Variants in HHIPL1 observed in about 807,000 individuals in gnomAD.
HHIPL1 encodes HHIP like 1, also known as HHIP-like protein 1.
HHIPL1 carries 43 observed loss-of-function variants against 61.8 expected under a neutral mutation model. That is an observed-to-expected ratio of 0.70 (90% CI 0.55 to 0.90). The LOEUF (loss-of-function observed/expected upper bound fraction) is 0.90, where lower values mean the gene tolerates loss of function less well. Among genes scored for constraint, HHIPL1 ranks in the 40% least tolerant of loss-of-function variants. The pLI is 0.00. For missense variants in HHIPL1, 1,056 were observed against 1,157.7 expected (o/e 0.91, Z 1.28); for synonymous variants, 482 against 515.8 (o/e 0.93, Z 0.89).
At chr14:99,613,714 G>C in the HHIPL1 span, among the ~76,000 whole-genome samples, 2 of 151,906 alleles carry the variant, frequency 1.3e-5, no homozygotes, top group African/African-American at 4.8e-5. Context: ...TTCGAGACCA[G>C]CCTGGCCAAC....
the HHIPL1 span, among the ~76,000 whole-genome samples, chr14:99,628,432 T>C: frequency 6.6e-6 from 1 of 151,686 alleles, no homozygotes; most frequent in African/African-American, 2.4e-5. Flanking sequence ...ATACAAAAAA[T>C]TAGCCAGGCC....
chr14:99,637,263 A>AGAAAGAAG, the HHIPL1 span, among the ~76,000 whole-genome samples: 2 of 148,456 alleles, frequency 1.3e-5, no homozygotes, highest in Non-Finnish European at 3.0e-5. Context: ...AAAGAAAGAA[A>AGAAAGAAG]GAAAAAGTGT....
At chr14:99,659,847 C>CCT in intron 4 of HHIPL1, 91 bp downstream of exon 4, 1 of 311,212 alleles carries the variant, frequency 3.2e-6, no homozygotes, top group South Asian at 5.5e-5. Context: ...GGAGACCGCA[C>CCT]CCCCCCCCCC....
chr14:99,673,574 G>GTGCAGGCAGAGGGAACAGCAAGAGCCA (rs2140095927), intron 8 of HHIPL1, among the ~76,000 whole-genome samples: 1 of 40,456 alleles, frequency 2.5e-5, no homozygotes, highest in Admixed American at 2.2e-4. Flanking sequence ...GGGGGTGGCA[G>GTGCAGGCAGAGGGAACAGCAAGAGCCA]CTAGGGGGAT....
At chr14:99,636,424 T>C in the HHIPL1 span, among the ~76,000 whole-genome samples, 1 of 152,218 alleles carries the variant, frequency 6.6e-6, no homozygotes, top group Non-Finnish European at 1.5e-5. Context: ...TGTGGGTCTT[T>C]AATAAATGCC....
chr14:99,664,277 A>G (rs1365067880), intron 6 of HHIPL1, among the ~76,000 whole-genome samples: 1 of 151,942 alleles, frequency 6.6e-6, no homozygotes, highest in African/African-American at 2.4e-5. Context: ...TGTCTGGGAA[A>G]CCTTTGTTGA....
rs540086095 is a variant in HHIPL1, at chr14:99,656,883, G to A, written c.903-117G>A. Reference sequence around the variant, plus strand: ...AGGAAGGAAGGAAGGAAGGAAGGAAGGAAGGAAGGAAGGTCTTTTCCATTG... The same window carrying A: ...AGGAAGGAAGGAAGGAAGGAAGGAAAGAAGGAAGGAAGGTCTTTTCCATTG... On this transcript the variant is annotated intron_variant, in intron 2 of 8. Coordinates refer to ENST00000330710, the MANE Select transcript of HHIPL1 (RefSeq NM_001127258.3). The A allele has an allele frequency of 9.2e-5, 17 of 184,176 alleles. 3 individuals are homozygous for A. The highest frequency in any genetic ancestry group is 4.2e-4 in the Admixed American group (3 of 7,162). 11.4% of individuals were successfully genotyped at this position (184,176 alleles called of 1,614,324 possible).
chr14:99,668,819 G>C lies in HHIPL1; in HGVS notation c.1730+516G>C. 1 of 1,612,894 alleles carries C rather than the reference G, an allele frequency of 6.2e-7. No individual in the cohort carries two copies. Among genetic ancestry groups the C allele is most frequent in the Non-Finnish European group, 8.5e-7 (1 of 1,179,958 alleles). On this transcript the variant is annotated intron_variant, in intron 7 of 8. Coordinates refer to ENST00000330710, the MANE Select transcript of HHIPL1 (RefSeq NM_001127258.3). The surrounding 1 kb of genome is among the most constrained non-coding windows in gnomAD (Gnocchi z 4.7). ...TCCCTTCGCCGGCTCCATCTCCCCG[G>C]CTTCCCTTCTAGCTGTAAGGCCAGA...
Position 99,660,846 on chromosome 14 carries a change from C to T in HHIPL1, c.1502+440C>T, listed in dbSNP as rs912944126. ...ATGGGGGCCTGGAGCCCTGCCCCAC[C>T]CCACCCCAGCCAGGACTGCAGGGAG... On this transcript the variant is annotated intron_variant, in intron 5 of 8. Transcript: ENST00000330710. This position sits in a 1 kb window ranked among gnomAD's most constrained non-coding sequence, Gnocchi z 4.9. Among the ~76,000 whole-genome samples, 3 of 152,184 alleles carry T rather than the reference C, an allele frequency of 2.0e-5. No individual in the cohort carries two copies. Among genetic ancestry groups the T allele is most frequent in the Non-Finnish European group, 2.9e-5 (2 of 68,018 alleles).
the HHIPL1 span, among the ~76,000 whole-genome samples, chr14:99,605,188 C>T: frequency 6.6e-6 from 1 of 152,224 alleles, no homozygotes; most frequent in African/African-American, 2.4e-5. Context: ...GGGGTGGAAA[C>T]CACTGGGAAG....
chr14:99,652,085 G>A (rs912417604), intron 1 of HHIPL1, 139 bp from the exon 2 acceptor site: 65 of 728,182 alleles, frequency 8.9e-5, no homozygotes, highest in Middle Eastern at 4.0e-4. Flanking sequence ...GAGGCTTATC[G>A]TGGTAACAGG....
chr14:99,675,363 TG>T lies in HHIPL1; in HGVS notation c.2090del (p.Gly697AlafsTer189). On this transcript the variant is annotated frameshift_variant, in exon 9 of 9. Coordinates refer to ENST00000330710, the MANE Select transcript of HHIPL1 (RefSeq NM_001127258.3). LOFTEE classifies it low-confidence loss of function (END_TRUNC). This position sits in a 1 kb window ranked among gnomAD's most constrained non-coding sequence, Gnocchi z 5.4. ...CGTGGAGGTGTTCGTGGGCGGACGC[TG>T]GGGCACCGTGTGCGACGACTCCTGG... is the stretch of plus-strand genomic sequence containing the variant. ...GRVEVFVGGR[W>X]GTVCDDSWNI... 6.6e-7 allele frequency: 1 copy of T among 1,504,116 alleles called. No individual in the cohort carries two copies. 93.2% of individuals were successfully genotyped at this position (1,504,116 alleles called of 1,614,324 possible).
At chr14:99,654,004 C>T (rs2055983822) in intron 2 of HHIPL1, among the ~76,000 whole-genome samples, 1 of 152,168 alleles carries the variant, frequency 6.6e-6, no homozygotes, top group Non-Finnish European at 1.5e-5. Flanking sequence ...GCCTGGCCAA[C>T]ATGGCGAAAC....
Position 99,676,404 on chromosome 14 carries a change from C to T in HHIPL1, c.*778C>T, listed in dbSNP as rs2056393128. 1 of 152,352 alleles carries T rather than the reference C, an allele frequency of 6.6e-6. No individual in the cohort carries two copies. Among genetic ancestry groups the T allele is most frequent in the Non-Finnish European group, 1.5e-5 (1 of 68,150 alleles). The allele number at this position is 152,352 out of a possible 1,614,324, so 9.4% of individuals were successfully genotyped here. On this transcript the variant is annotated 3_prime_UTR_variant, in exon 9 of 9. Coordinates refer to ENST00000330710, the MANE Select transcript of HHIPL1 (RefSeq NM_001127258.3). ...TCCTCCAACCCTGAGGCCTGATTCT[C>T]TCTTGCTCTTGGGGCAGAAGCCACC... is the stretch of plus-strand genomic sequence containing the variant.
rs2056426831 is a variant in HHIPL1 at position 99,680,211 on chromosome 14, A to G, written c.*4585A>G. ...GCACCTCCACCCTGCCAGGCCACCC[A>G]TGTAAAGGCAGCCAATTCAGAGCCA... On this transcript the variant is annotated 3_prime_UTR_variant, in exon 9 of 9. Coordinates refer to ENST00000330710, the MANE Select transcript of HHIPL1 (RefSeq NM_001127258.3). The G allele has an allele frequency of 6.6e-6, 1 of 151,936 alleles. No individual in the cohort carries two copies. The highest frequency in any genetic ancestry group is 1.5e-5 in the Non-Finnish European group (1 of 68,044). The allele number at this position is 151,936 out of a possible 1,614,324, so 9.4% of individuals were successfully genotyped here.
chr14:99,675,242 G>C lies in HHIPL1; in HGVS notation c.1965G>C (p.Gly655=), dbSNP rs1214373650. ...AGCCAGGGAGCCGGAGGGGCGGCGG[G>C]CGGCGGCGGGGGCGGCTGAACTCGG... ...TQQPGSRRGG[G]RRRGRLNSAS... The change falls in exon 9 of 9, where the codon GGG becomes GGC. Residue 655 remains glycine (G), a synonymous_variant. Coordinates refer to ENST00000330710, the MANE Select transcript of HHIPL1 (RefSeq NM_001127258.3). This position sits in a 1 kb window ranked among gnomAD's most constrained non-coding sequence, Gnocchi z 5.4. 8.2e-7 allele frequency: 1 copy of C among 1,219,180 alleles called. No homozygotes were observed. Among genetic ancestry groups the C allele is most frequent in the Non-Finnish European group, 1.0e-6 (1 of 980,336 alleles). The allele number at this position is 1,219,180 out of a possible 1,614,324, so 75.5% of individuals were successfully genotyped here. A position where few individuals can be genotyped will look rare whatever the true frequency, so the allele number is the denominator to read the frequency against.
rs1410572038 is a variant in HHIPL1, at chr14:99,675,298, G to A, written c.2021G>A (p.Arg674His). Residue 674 changes from arginine (R) to histidine (H), a missense_variant, in exon 9 of 9, where the codon CGC becomes CAC. Arg to His is a conservative substitution (Grantham distance 29). Coordinates refer to ENST00000330710, the MANE Select transcript of HHIPL1 (RefSeq NM_001127258.3). This position sits in a 1 kb window ranked among gnomAD's most constrained non-coding sequence, Gnocchi z 5.4. ...CGGGCGTTCCGGGATGGCGAGGTGC[G>A]CCTGGTGCGGCCCGCGGGCCTGAGC... ...ASRAFRDGEV[R>H]LVRPAGLSSG... is the part of the protein sequence containing the mutation. The A allele has an allele frequency of 1.5e-6, 2 of 1,312,372 alleles. No homozygotes were observed. The highest frequency in any genetic ancestry group is 3.1e-5 in the East Asian group (1 of 31,924). The allele number at this position is 1,312,372 out of a possible 1,614,324, so 81.3% of individuals were successfully genotyped here. A position where few individuals can be genotyped will look rare whatever the true frequency, so the allele number is the denominator to read the frequency against.
chr14:99,624,059 A>G, the HHIPL1 span, among the ~76,000 whole-genome samples: 7,288 of 152,328 alleles, frequency 0.048, 594 homozygotes, highest in African/African-American at 0.17. Flanking sequence ...CCCACAAGGC[A>G]GCCAGGCCAG....
intron 2 of HHIPL1, among the ~76,000 whole-genome samples, chr14:99,655,060 G>A (rs933150148): frequency 3.9e-5 from 6 of 152,184 alleles, no homozygotes; most frequent in Admixed American, 3.9e-4. Context: ...AGCAGGCTCA[G>A]GGCAGGCCAG....
Sources: gnomAD v4.1 joint callset for allele counts (sites outside exome capture counted in the v4.1 genomes callset) on GRCh38, gnomAD v4.1.1 for gene constraint, Gnocchi (gnomAD v3.1) non-coding constraint, MANE v1.5 for transcripts, NCBI Gene and HGNC (gene_info 2026-07-23, HGNC 2026-07-21) for gene names.